Variants in MAST4 observed in about 807,000 individuals in gnomAD.
MAST4 encodes microtubule associated serine/threonine kinase family member 4.
In MAST4, 89 loss-of-function variants were observed where a neutral mutation model predicts 162.7. The observed-to-expected ratio is 0.55, with a 90% CI of 0.46 to 0.65. The LOEUF is 0.65. MAST4 is among the 30% of genes least tolerant of loss of function. The pLI is 0.00. For missense variants in MAST4, 3,153 were observed against 3,374.0 expected, an observed-to-expected ratio of 0.93 and a Z score of 1.62; for synonymous variants, 1,479 against 1,361.1, an observed-to-expected ratio of 1.09 and a Z score of -1.91.
intron 4 of MAST4, among the ~76,000 whole-genome samples, chr5:66,987,150 T>C (rs1749604079): frequency 6.6e-6 from 1 of 152,222 alleles, no homozygotes; most frequent in Admixed American, 6.5e-5. Context: ...TATAAGTATG[T>C]GTAAAGTTTA....
At chr5:66,805,841 G>A (rs1466953266) in intron 3 of MAST4, among the ~76,000 whole-genome samples, 2 of 152,208 alleles carry the variant, frequency 1.3e-5, no homozygotes, top group African/African-American at 4.8e-5. Context: ...CGTTGAGATT[G>A]TGAGGTCCAG....
At chr5:66,820,242 T>C (rs1756928681) in intron 3 of MAST4, among the ~76,000 whole-genome samples, 1 of 152,216 alleles carries the variant, frequency 6.6e-6, no homozygotes, top group South Asian at 2.1e-4. Context: ...ATCTTTTATC[T>C]CTAGGTATAT....
chr5:67,070,746 C>T (rs1273228307), intron 5 of MAST4, among the ~76,000 whole-genome samples: 1 of 152,164 alleles, frequency 6.6e-6, no homozygotes, highest in African/African-American at 2.4e-5. Flanking sequence ...CAGTAATCAG[C>T]TCATGGCTAG....
intron 3 of MAST4, among the ~76,000 whole-genome samples, chr5:66,840,662 C>A (rs1366532300): frequency 6.6e-6 from 1 of 152,150 alleles, no homozygotes; most frequent in Non-Finnish European, 1.5e-5. Flanking sequence ...GTATCATGAG[C>A]AGAGGCTTAA....
intron 4 of MAST4, among the ~76,000 whole-genome samples, chr5:67,038,736 TA>T (rs1561562495): frequency 6.6e-6 from 1 of 152,176 alleles, no homozygotes; most frequent in African/African-American, 2.4e-5. Context: ...TGATTTTTTT[TA>T]AAAAATAAAA....
chr5:66,845,990 A>G (rs1366409217), intron 3 of MAST4, among the ~76,000 whole-genome samples: 2 of 152,188 alleles, frequency 1.3e-5, no homozygotes, highest in African/African-American at 2.4e-5. Context: ...TGAGTGCTTT[A>G]CATGTATCAG....
intron 3 of MAST4, among the ~76,000 whole-genome samples, chr5:66,824,594 G>A (rs993151849): frequency 6.6e-6 from 1 of 152,132 alleles, no homozygotes; most frequent in South Asian, 2.1e-4. Context: ...CTTACTTTGG[G>A]GTAACCAACA....
rs1374541775 is a variant in MAST4 at position 66,924,390 on chromosome 5, A to C, written c.674+24408A>C. On this transcript the variant is annotated intron_variant, in intron 4 of 28. Coordinates refer to ENST00000403625, the MANE Select transcript of MAST4 (RefSeq NM_001164664.2). ...TAATATGACTACTTGGTCTTTGTAG[A>C]AAATAATTTTTTTTTTTTTTTGAGA... is the stretch of plus-strand genomic sequence containing the variant. Among the ~76,000 whole-genome samples, 3 of 152,082 alleles carry C rather than the reference A, an allele frequency of 2.0e-5. No homozygotes were observed. The East Asian group carries it at 5.8e-4, about 29-fold the overall frequency.
At chr5:66,631,860 A>C (rs2149422465) in intron 1 of MAST4, among the ~76,000 whole-genome samples, 1 of 152,300 alleles carries the variant, frequency 6.6e-6, no homozygotes, top group East Asian at 1.9e-4. Context: ...AAATTGAACC[A>C]AAGAGAATTT....
intron 1 of MAST4, among the ~76,000 whole-genome samples, chr5:66,667,381 C>T (rs1747328906): frequency 6.6e-6 from 1 of 152,164 alleles, no homozygotes; most frequent in African/African-American, 2.4e-5. Context: ...TGTACTGTAA[C>T]TGTTGGTATC....
rs1467195997 is a variant in MAST4 at position 67,164,068 on chromosome 5, G to A, written c.4889G>A (p.Arg1630His). Residue 1630 changes from arginine (R) to histidine (H), a missense_variant, in exon 29 of 29, where the codon CGC becomes CAC. Transcript: ENST00000403625. The surrounding 1 kb of genome is among the most constrained non-coding windows in gnomAD (Gnocchi z 5.3). ...MSDGRVPAEH[R>H]QGGGDFRRAP... The stretch of plus-strand genomic sequence containing the variant: ...GATGGCCGGGTGCCTGCGGAGCACC[G>A]CCAGGGTGGCGGGGACTTCAGACGG... The A allele has an allele frequency of 1.9e-6, 3 of 1,567,406 alleles. No individual in the cohort carries two copies. Among genetic ancestry groups the A allele is most frequent in the East Asian group, 2.3e-5 (1 of 42,832 alleles).
rs528469254 is a variant in MAST4, at chr5:67,078,354, A to G, written c.764-11808A>G. Among the ~76,000 whole-genome samples the G allele has an allele frequency of 1.5e-3, 229 of 151,010 alleles. 1 individual carries two copies. The highest frequency in any genetic ancestry group is 5.5e-3 in the African/African-American group (226 of 41,346). On this transcript the variant is annotated intron_variant, in intron 5 of 28. Transcript: ENST00000403625. ...ATGTGAAAAAAAAAAAAAAGTAACAATAAAAGACTAACAGAAGAACTCAGT... is the reference window on the plus strand; with the variant it reads ...ATGTGAAAAAAAAAAAAAAGTAACAGTAAAAGACTAACAGAAGAACTCAGT...
At chr5:67,148,764 G>A (rs56032999) in intron 23 of MAST4, among the ~76,000 whole-genome samples, 4,209 of 152,192 alleles carry the variant, frequency 0.028, 94 homozygotes, top group Non-Finnish European at 0.04. Flanking sequence ...AAATGTACAG[G>A]GAGCTTAGAA....
At position 67,100,566 on chromosome 5, in the gene MAST4, G is replaced by A. The variant is rs1301237919; in HGVS notation, c.1044G>A (p.Pro348=). ...IATENRCRNT[P]MRPRSRSLSP... is the part of the protein sequence containing the mutation. ...CTGAGAACAGATGCAGGAACACGCCGATGCGCCCCCGTTCCCGAAGTCTGA... is the reference window on the plus strand; with the variant it reads ...CTGAGAACAGATGCAGGAACACGCCAATGCGCCCCCGTTCCCGAAGTCTGA... Residue 348 remains proline, a synonymous_variant, in exon 8 of 29, where the codon CCG becomes CCA. Transcript: ENST00000403625. The A allele has an allele frequency of 2.1e-5, 34 of 1,613,726 alleles. No individual in the cohort carries two copies. The highest frequency in any genetic ancestry group is 3.3e-4 in the Middle Eastern group (2 of 6,082).
chr5:67,049,043 G>GTATATATATATA (rs1491152523), intron 4 of MAST4, among the ~76,000 whole-genome samples: 7 of 54,106 alleles, frequency 1.3e-4, no homozygotes, highest in African/African-American at 6.4e-4. Context: ...ATATATATAC[G>GTATATATATATA]TGTATATATA....
chr5:67,145,420 A>G (rs1312486449), intron 23 of MAST4, 41 bp downstream of exon 23: 8 of 1,556,280 alleles, frequency 5.1e-6, no homozygotes, highest in South Asian at 1.1e-5. Context: ...TCCTCACCAC[A>G]CTAAGTGTCT....
chr5:66,719,900 T>G (rs1206324261), intron 1 of MAST4, among the ~76,000 whole-genome samples: 1 of 152,210 alleles, frequency 6.6e-6, no homozygotes, highest in Non-Finnish European at 1.5e-5. Flanking sequence ...TTTCAAGCAG[T>G]TGTCATAGTC....
chr5:66,907,587 CGTGTGT>C (rs59273615), intron 4 of MAST4, among the ~76,000 whole-genome samples: 13,098 of 144,014 alleles, frequency 0.091, 660 homozygotes, highest in East Asian at 0.14. Context: ...TAGGTTGATG[CGTGTGT>C]GTGTGTGTGT....
In MAST4 at chr5:67,038,929, G is replaced by T. The variant is rs557556008; in HGVS notation, c.675-15475G>T. 2.0e-5 allele frequency among the ~76,000 whole-genome samples: 3 copies of T among 152,180 alleles called. No individual in the cohort carries two copies. In the East Asian group the frequency reaches 5.8e-4, roughly 29 times the overall value. The stretch of plus-strand genomic sequence containing the variant: ...CTAGTATCTTAAGACCCAGGGCTCT[G>T]GAGAGAGATCTTTAATTTAAGGACA... On this transcript the variant is annotated intron_variant, in intron 4 of 28. Coordinates refer to ENST00000403625, the MANE Select transcript of MAST4 (RefSeq NM_001164664.2).
Sources: allele counts gnomAD v4.1 joint callset (sites outside exome capture counted in the v4.1 genomes callset), GRCh38; gene constraint gnomAD v4.1.1; non-coding constraint Gnocchi (gnomAD v3.1); transcripts MANE v1.5; gene names NCBI Gene and HGNC (gene_info 2026-07-23, HGNC 2026-07-21).